Variants in RIMS2 observed in about 807,000 individuals in gnomAD.
RIMS2 encodes regulating synaptic membrane exocytosis protein 2.
Under a neutral mutation model 174.4 loss-of-function variants are expected in RIMS2, and 59 were observed. The ratio of observed to expected loss-of-function variants is 0.34; its 90% CI spans 0.27 to 0.42. The LOEUF (loss-of-function observed/expected upper bound fraction) is 0.42, where lower values mean the gene tolerates loss of function less well. Among genes scored for constraint, RIMS2 ranks in the 10% least tolerant of loss-of-function variants. The probability of loss-of-function intolerance (pLI) is 1.00; values close to 1 mark genes in which losing one functional copy is unlikely to be tolerated. For missense variants in RIMS2, 1,620 were observed against 1,666.3 expected, an observed-to-expected ratio of 0.97 and a Z score of 0.48; for synonymous variants, 606 against 572.5, an observed-to-expected ratio of 1.06 and a Z score of -0.84.
intron 1 of RIMS2, among the ~76,000 whole-genome samples, chr8:103,614,689 A>C (rs530387973): frequency 6.6e-6 from 1 of 152,242 alleles, no homozygotes; most frequent in Non-Finnish European, 1.5e-5. Flanking sequence ...CAAGTTTCCA[A>C]AATTAATCTT....
Position 104,070,275 on chromosome 8 carries a change from A to G in RIMS2, c.3334+55660A>G, listed in dbSNP as rs529674264. On this transcript the variant is annotated intron_variant, in intron 19 of 23. Coordinates refer to ENST00000504942, the Ensembl canonical transcript of RIMS2. Reference sequence around the variant, plus strand: ...TTACATTATTACCAACATGGTGCATACAAAATTATTTATCACAGAATTCTG... The same window carrying G: ...TTACATTATTACCAACATGGTGCATGCAAAATTATTTATCACAGAATTCTG... Among the ~76,000 whole-genome samples, 68 of 152,220 alleles carry G rather than the reference A, an allele frequency of 4.5e-4. 1 individual carries two copies. Among genetic ancestry groups the G allele is most frequent in the Non-Finnish European group, 7.9e-4 (54 of 68,024 alleles).
chr8:104,253,378 T>G (rs1265296152), downstream of RIMS2: 1 of 152,206 alleles, frequency 6.6e-6, no homozygotes, highest in Non-Finnish European at 1.5e-5. Flanking sequence ...GGGCTGTTTA[T>G]TAATTCATTT....
chr8:104,002,419 G>C (rs2095425263), intron 17 of RIMS2, among the ~76,000 whole-genome samples: 1 of 151,908 alleles, frequency 6.6e-6, no homozygotes, highest in African/African-American at 2.4e-5. Context: ...TTCTCTTGTA[G>C]AATTGTTTTT....
chr8:103,609,711 G>A (rs188707563), intron 1 of RIMS2, among the ~76,000 whole-genome samples: 45 of 152,242 alleles, frequency 3.0e-4, no homozygotes, highest in African/African-American at 3.9e-4. Flanking sequence ...CTTTGTAACC[G>A]TTCCATGCTG....
intron 19 of RIMS2, among the ~76,000 whole-genome samples, chr8:104,230,730 A>G (rs1025662307): frequency 1.3e-5 from 2 of 152,234 alleles, no homozygotes; most frequent in African/African-American, 4.8e-5. Context: ...GGAAAGAAAC[A>G]TGCATCAGTG....
intron 1 of RIMS2, among the ~76,000 whole-genome samples, chr8:103,530,196 T>C (rs977774366): frequency 6.6e-6 from 1 of 152,202 alleles, no homozygotes; most frequent in Admixed American, 6.5e-5. Context: ...ATATCACATA[T>C]GTTAGGGTTT....
At chr8:104,094,341 A>T (rs1185974799) in intron 19 of RIMS2, 1 of 533,822 alleles carries the variant, frequency 1.9e-6, no homozygotes, top group East Asian at 2.9e-5. Context: ...TAAGTTTTCA[A>T]CATTTAAAAG....
At chr8:104,108,619 G>A (rs2098121435) in intron 19 of RIMS2, among the ~76,000 whole-genome samples, 1 of 151,702 alleles carries the variant, frequency 6.6e-6, no homozygotes, top group African/African-American at 2.4e-5. Context: ...TTTTCTTATG[G>A]TTTTCTCCCA....
intron 19 of RIMS2, among the ~76,000 whole-genome samples, chr8:104,212,142 T>A (rs1468928987): frequency 6.6e-6 from 1 of 152,194 alleles, no homozygotes; most frequent in Non-Finnish European, 1.5e-5. Flanking sequence ...GTTATTCTAG[T>A]GGTAATGTCA....
At chr8:103,952,194 G>A (rs1230021257) in intron 14 of RIMS2, among the ~76,000 whole-genome samples, 3 of 152,214 alleles carry the variant, frequency 2.0e-5, no homozygotes, top group African/African-American at 4.8e-5. Context: ...AGACTTAAAC[G>A]TTCCTGCCTG....
chr8:103,640,193 T>C (rs568937966), intron 1 of RIMS2, among the ~76,000 whole-genome samples: 1 of 152,060 alleles, frequency 6.6e-6, no homozygotes, highest in African/African-American at 2.4e-5. Context: ...GTTCTTACTA[T>C]TTTTTAAATC....
intron 19 of RIMS2, among the ~76,000 whole-genome samples, chr8:104,213,890 AG>A (rs1366945567): frequency 3.4e-5 from 4 of 115,982 alleles, no homozygotes; most frequent in East Asian, 2.1e-4. Context: ...AAAAAAAAAA[AG>A]AAGAAGAAGA....
At chr8:103,952,171 G>A (rs998715291) in intron 14 of RIMS2, among the ~76,000 whole-genome samples, 26 of 152,198 alleles carry the variant, frequency 1.7e-4, no homozygotes, top group African/African-American at 5.8e-4. Context: ...GCGGTTGGGG[G>A]CGCAGCTTCA....
At chr8:103,599,944 T>C (rs564084714) in intron 1 of RIMS2, among the ~76,000 whole-genome samples, 1 of 152,304 alleles carries the variant, frequency 6.6e-6, no homozygotes, top group African/African-American at 2.4e-5. Flanking sequence ...TCAAATTATT[T>C]TGACTATAGT....
intron 19 of RIMS2, among the ~76,000 whole-genome samples, chr8:104,123,391 T>C (rs771728360): frequency 2.6e-5 from 4 of 151,968 alleles, no homozygotes; most frequent in African/African-American, 9.7e-5. Context: ...TCATTCTACA[T>C]AGGCAGGAGT....
At chr8:104,123,883 T>A (rs1014087180) in intron 19 of RIMS2, among the ~76,000 whole-genome samples, 13 of 152,102 alleles carry the variant, frequency 8.5e-5, no homozygotes, top group African/African-American at 3.1e-4. Flanking sequence ...AAATAAAATT[T>A]CTATACACCA....
At chr8:104,124,578 C>G (rs181747836) in intron 19 of RIMS2, among the ~76,000 whole-genome samples, 92 of 152,206 alleles carry the variant, frequency 6.0e-4, no homozygotes, top group Non-Finnish European at 9.7e-4. Flanking sequence ...ATTCCTGAGG[C>G]TAAGACCACA....
Position 103,673,116 on chromosome 8 carries a change from C to G in RIMS2, c.177-23970C>G, listed in dbSNP as rs558567439. Reference sequence around the variant, plus strand: ...CTCCATGTCCTGCGTGCAGGACACACTGGTGCATGAGGTGGGCTCCTATGG... The same window carrying G: ...CTCCATGTCCTGCGTGCAGGACACAGTGGTGCATGAGGTGGGCTCCTATGG... On this transcript the variant is annotated intron_variant, in intron 1 of 23. Transcript: ENST00000504942. Among the ~76,000 whole-genome samples, 123 of 152,340 alleles carry G rather than the reference C, an allele frequency of 8.1e-4. 1 individual carries two copies. Among genetic ancestry groups the G allele is most frequent in the Non-Finnish European group, 1.5e-3 (100 of 68,030 alleles).
intron 1 of RIMS2, among the ~76,000 whole-genome samples, chr8:103,572,115 A>T (rs1302885818): frequency 2.0e-5 from 3 of 151,954 alleles, no homozygotes; most frequent in African/African-American, 7.3e-5. Flanking sequence ...AAGTGTCTGG[A>T]GTTTCTTCCT....
Sources: allele counts gnomAD v4.1 joint callset (sites outside exome capture counted in the v4.1 genomes callset), GRCh38; gene constraint gnomAD v4.1.1; transcripts MANE v1.5; gene names NCBI Gene and HGNC (gene_info 2026-07-23, HGNC 2026-07-21).